PKIA: variants seen among roughly 807,000 people sequenced by gnomAD.
PKIA encodes cAMP-dependent protein kinase inhibitor alpha, also known as PKI-alpha.
Under a neutral mutation model 7.6 loss-of-function variants are expected in PKIA, and 4 were observed. The ratio of observed to expected loss-of-function variants is 0.52; its 90% CI spans 0.26 to 1.20. PKIA has a LOEUF of 1.20. Ranked by LOEUF, PKIA falls within the 50% of genes most tolerant of loss-of-function variation. The probability of loss-of-function intolerance (pLI) is 0.13; values close to 1 mark genes in which losing one functional copy is unlikely to be tolerated. For missense variants in PKIA, 73 were observed against 86.2 expected (o/e 0.85, Z 0.61); for synonymous variants, 21 against 30.7 (o/e 0.68, Z 1.04).
intron 1 of PKIA, among the ~76,000 whole-genome samples, chr8:78,539,652 T>TA (rs1273093268): frequency 1.3e-5 from 2 of 150,852 alleles, no homozygotes; most frequent in Non-Finnish European, 3.0e-5. Flanking sequence ...TTTTAAAAGG[T>TA]AAAAAAAGGA....
chr8:78,600,488 T>TGAAATTG (rs1364870876), intron 3 of PKIA, among the ~76,000 whole-genome samples: 2 of 152,100 alleles, frequency 1.3e-5, no homozygotes, highest in East Asian at 3.9e-4. Flanking sequence ...GTTCCTCATC[T>TGAAATTG]TGTATTTATA....
At chr8:78,581,055 T>C (rs1243695086) in intron 2 of PKIA, among the ~76,000 whole-genome samples, 1 of 152,060 alleles carries the variant, frequency 6.6e-6, no homozygotes, top group Non-Finnish European at 1.5e-5. Flanking sequence ...GCAAACCTAG[T>C]GTCCAGATCT....
chr8:78,540,410 A>G (rs933842664), intron 1 of PKIA, among the ~76,000 whole-genome samples: 1 of 152,132 alleles, frequency 6.6e-6, no homozygotes, highest in Admixed American at 6.6e-5. Context: ...GATTGTGTGT[A>G]TAAAGCACTT....
At chr8:78,585,136 C>T (rs1004104167) in intron 2 of PKIA, among the ~76,000 whole-genome samples, 2 of 151,710 alleles carry the variant, frequency 1.3e-5, no homozygotes, top group Non-Finnish European at 2.9e-5. Context: ...GTTAGTATAG[C>T]GATTTGACCA....
intron 1 of PKIA, among the ~76,000 whole-genome samples, chr8:78,555,328 G>A (rs1807101757): frequency 6.6e-6 from 1 of 150,884 alleles, no homozygotes; most frequent in African/African-American, 2.5e-5. Flanking sequence ...ACTTGCTTTT[G>A]GATCATTCAG....
intron 1 of PKIA, among the ~76,000 whole-genome samples, chr8:78,537,946 T>A (rs1484671830): frequency 6.6e-6 from 1 of 152,070 alleles, no homozygotes; most frequent in Non-Finnish European, 1.5e-5. Flanking sequence ...AACCTTCTTG[T>A]CTTTCACACT....
At chr8:78,576,525 C>G (rs184381252) in intron 2 of PKIA, among the ~76,000 whole-genome samples, 71 of 152,018 alleles carry the variant, frequency 4.7e-4, no homozygotes, top group African/African-American at 7.0e-4. Flanking sequence ...TGGGAATGCT[C>G]TCAGTGCTGT....
rs10708020 is a variant in PKIA at position 78,549,726 on chromosome 8, C to CA, written c.-156-23068dup. Among the ~76,000 whole-genome samples, 155 of 123,194 alleles carry CA rather than the reference C, an allele frequency of 1.3e-3. 1 individual carries two copies. The highest frequency in any genetic ancestry group is 4.5e-3 in the Middle Eastern group (1 of 220). 80.8% of individuals were successfully genotyped at this position (123,194 alleles called of 152,430 possible). On this transcript the variant is annotated intron_variant, in intron 1 of 3. Transcript: ENST00000396418. ...TGAACCCTTGAAATCACTGAAATAC[C>CA]AAAAAAAAAAAAAAAAAGTAAGAAT...
intron 1 of PKIA, among the ~76,000 whole-genome samples, chr8:78,571,318 T>C (rs973675553): frequency 2.0e-5 from 3 of 152,086 alleles, no homozygotes; most frequent in Admixed American, 2.0e-4. Flanking sequence ...CATTTGGACT[T>C]ACAAGATAAC....
chr8:78,531,099 T>C (rs766513261), intron 1 of PKIA, among the ~76,000 whole-genome samples: 1 of 152,134 alleles, frequency 6.6e-6, no homozygotes, highest in African/African-American at 2.4e-5. Flanking sequence ...TTGCTGTCAT[T>C]TGAATTTCAA....
At chr8:78,585,634 A>G (rs1359342923) in intron 2 of PKIA, among the ~76,000 whole-genome samples, 1 of 152,184 alleles carries the variant, frequency 6.6e-6, no homozygotes, top group Admixed American at 6.6e-5. Flanking sequence ...GGCAGTGATT[A>G]TGTGTAGATT....
intron 2 of PKIA, among the ~76,000 whole-genome samples, chr8:78,585,551 C>A (rs989350399): frequency 4.6e-5 from 7 of 151,982 alleles, no homozygotes; most frequent in African/African-American, 7.2e-5. Flanking sequence ...TGAACAATTA[C>A]ATTTTCGGTA....
chr8:78,531,833 TG>T (rs1170043656), intron 1 of PKIA, among the ~76,000 whole-genome samples: 1 of 152,130 alleles, frequency 6.6e-6, no homozygotes, highest in Non-Finnish European at 1.5e-5. Flanking sequence ...TCCTGCTAGC[TG>T]GTTGACATGG....
At chr8:78,595,577 C>T (rs900685253) in intron 2 of PKIA, among the ~76,000 whole-genome samples, 2 of 152,162 alleles carry the variant, frequency 1.3e-5, no homozygotes, top group Admixed American at 6.5e-5. Context: ...GATCCTCACC[C>T]TCCTCCCACC....
At chr8:78,591,916 T>C (rs1363800675) in intron 2 of PKIA, among the ~76,000 whole-genome samples, 1 of 152,164 alleles carries the variant, frequency 6.6e-6, no homozygotes, top group African/African-American at 2.4e-5. Flanking sequence ...TCTACTAAAC[T>C]TCCGTCTGCT....
intron 1 of PKIA, among the ~76,000 whole-genome samples, chr8:78,551,898 T>C (rs1806993843): frequency 6.6e-6 from 1 of 152,016 alleles, no homozygotes; most frequent in Admixed American, 6.6e-5. Flanking sequence ...TCTTTCTGTG[T>C]TTTTCAGATG....
chr8:78,581,847 A>T (rs984772188), intron 2 of PKIA, among the ~76,000 whole-genome samples: 1 of 152,102 alleles, frequency 6.6e-6, no homozygotes, highest in African/African-American at 2.4e-5. Flanking sequence ...GTAATGTATC[A>T]GTGCTAATTG....
At chr8:78,539,981 A>C (rs901127158) in intron 1 of PKIA, among the ~76,000 whole-genome samples, 4 of 152,156 alleles carry the variant, frequency 2.6e-5, no homozygotes, top group Admixed American at 1.3e-4. Context: ...AGATAGGAAA[A>C]AATATTTAGC....
chr8:78,568,770 GA>G (rs1451855365), intron 1 of PKIA, among the ~76,000 whole-genome samples: 1 of 152,104 alleles, frequency 6.6e-6, no homozygotes, highest in African/African-American at 2.4e-5. Context: ...TCTAACAACA[GA>G]AAACCTTTCT....
Sources: gnomAD v4.1 joint callset for allele counts (sites outside exome capture counted in the v4.1 genomes callset) on GRCh38, gnomAD v4.1.1 for gene constraint, MANE v1.5 for transcripts, NCBI Gene and HGNC (gene_info 2026-07-23, HGNC 2026-07-21) for gene names.